The following MGAM variants were observed in gnomAD, a reference collection of about 807,000 sequenced individuals.
MGAM encodes maltase-glucoamylase.
Under a neutral mutation model 358.8 loss-of-function variants are expected in MGAM, and 253 were observed. The ratio of observed to expected loss-of-function variants is 0.71; its 90% CI spans 0.64 to 0.78. The LOEUF (loss-of-function observed/expected upper bound fraction) is 0.78, where lower values mean the gene tolerates loss of function less well. Ranked by LOEUF, MGAM falls within the 30% of genes least tolerant of loss-of-function variation. The pLI, the probability that MGAM is intolerant of heterozygous loss-of-function variation, is 0.00. For synonymous variants in MGAM, 1,105 were observed against 1,227.1 expected (o/e 0.90, Z 2.08); for missense variants, 3,080 against 3,432.6 (o/e 0.90, Z 2.57).
Position 142,027,195 on chromosome 7 carries a change from A to G in MGAM, c.1063A>G (p.Thr355Ala), listed in dbSNP as rs1181164759. Residue 355 changes from threonine to alanine, a missense_variant, in exon 9 of 71, where the codon ACT becomes GCT. Transcript: ENST00000475668. ...CGACTTCTATGTGTTCTTGGGAAAC[A>G]CTCCAGAGCAAGTTGTTCAAGAATA... Reference protein sequence around the residue: ...ILDFYVFLGNTPEQVVQEYLE... With the variant: ...ILDFYVFLGNAPEQVVQEYLE... 6.2e-6 allele frequency: 10 copies of G among 1,613,268 alleles called. No individual in the cohort carries two copies. Among genetic ancestry groups the G allele is most frequent in the African/African-American group, 1.3e-5 (1 of 74,892 alleles).
intron 50 of MGAM, among the ~76,000 whole-genome samples, chr7:142,081,688 T>A (rs898398743): frequency 2.1e-5 from 3 of 145,268 alleles, no homozygotes; most frequent in Admixed American, 6.9e-5. Context: ...TGAGGTGAGA[T>A]CCTCGTAGGA....
Position 142,100,804 on chromosome 7 carries a change from G to A in MGAM, c.7877G>A (p.Arg2626His), listed in dbSNP as rs200582702. 20 of 1,609,870 alleles carry A rather than the reference G, an allele frequency of 1.2e-5. No individual in the cohort carries two copies. The highest frequency in any genetic ancestry group is 4.5e-5 in the East Asian group (2 of 44,818). ...GCCTCTCTGCCTGCTCACTGCAGCC[G>A]CCAGAAATTCATGGGCTTCAAAATT... The part of the protein sequence containing the change: ...QEPALNTHLS[R>H]QKFMGFKIAL... Residue 2626 changes from arginine to histidine, a missense_variant and splice_region_variant, in exon 68 of 71, where the codon CGC becomes CAC. By Grantham distance (29) the Arg-to-His change is conservative (BLOSUM62 0). Transcript: ENST00000475668.
intron 34 of MGAM, 31 bp downstream of exon 34, chr7:142,060,404 T>G (rs1438433524): frequency 6.2e-7 from 1 of 1,609,672 alleles, no homozygotes; most frequent in Non-Finnish European, 8.5e-7. Context: ...TTGGGTGGAG[T>G]CAGGGTTTGT....
At chr7:142,034,209 A>G (rs1584953116) in intron 14 of MGAM, 53 bp from the exon 15 acceptor site, 1 of 1,325,450 alleles carries the variant, frequency 7.5e-7, no homozygotes, top group East Asian at 2.5e-5. Context: ...ATAGTCAAGG[A>G]GCAGAAAATG....
chr7:142,087,099 T>A (rs56222186), intron 57 of MGAM, among the ~76,000 whole-genome samples: 1 of 136,672 alleles, frequency 7.3e-6, no homozygotes, highest in Non-Finnish European at 1.7e-5. Context: ...GTTGTTGCCT[T>A]GGTTATCCCT....
chr7:142,051,663 C>G (rs1466611527), intron 24 of MGAM, among the ~76,000 whole-genome samples: 4 of 151,874 alleles, frequency 2.6e-5, no homozygotes, highest in Non-Finnish European at 4.4e-5. Context: ...TTCAACTTTT[C>G]AAATTTGCCG....
At chr7:142,069,958 C>A (rs1053270681) in intron 43 of MGAM, among the ~76,000 whole-genome samples, 3 of 145,530 alleles carry the variant, frequency 2.1e-5, no homozygotes, top group Admixed American at 6.9e-5. Flanking sequence ...CTTTGGGAGG[C>A]CGAGATGGAC....
rs1810869265 is a variant in MGAM, at chr7:142,050,754, T to A, written c.2695T>A (p.Phe899Ile). ...STYKDPNNLA[F>I]NEIKILGTEE... is the part of the protein sequence containing the mutation. ...CTACAAGGACCCCAATAATTTAGCA[T>A]TTAATGAGATTAAAATTCTTGGGAC... Residue 899 changes from phenylalanine to isoleucine, a missense_variant, in exon 24 of 71, where the codon TTT becomes ATT. By Grantham distance (21) the Phe-to-Ile change is conservative. Around this residue, in one of 5 missense-constraint regions of MGAM, gnomAD observed 1,816 missense variants for 1,840.5 expected, o/e 0.99. Transcript: ENST00000475668. 1 of 1,613,672 alleles carries A rather than the reference T, an allele frequency of 6.2e-7. No individual in the cohort carries two copies. Among genetic ancestry groups the A allele is most frequent in the African/African-American group, 1.3e-5 (1 of 74,932 alleles).
chr7:141,994,222 A>G (rs1554447921), upstream of MGAM, among the ~76,000 whole-genome samples: 1 of 152,172 alleles, frequency 6.6e-6, no homozygotes, highest in Admixed American at 6.5e-5. Flanking sequence ...TCAGCTCCAT[A>G]AGTTCTTCTT....
rs782081782 is a variant in MGAM at position 142,027,737 on chromosome 7, T to C, written c.1221+2T>C. 1 of 1,594,512 alleles carries C rather than the reference T, an allele frequency of 6.3e-7. No individual in the cohort carries two copies. The highest frequency in any genetic ancestry group is 8.5e-7 in the Non-Finnish European group (1 of 1,170,460). On this transcript the variant is annotated splice_donor_variant, in intron 10 of 70. Coordinates refer to ENST00000475668, the MANE Select transcript of MGAM (RefSeq NM_001365693.1). LOFTEE classifies it high-confidence loss of function. ...AATCGCGCAGCACAGCTCCCTTATG[T>C]AAGCAAGGTTTTCAACAGTTCTCCA...
intron 4 of MGAM, among the ~76,000 whole-genome samples, chr7:142,020,506 C>T (rs1350110674): frequency 2.7e-5 from 4 of 150,770 alleles, no homozygotes; most frequent in African/African-American, 4.9e-5. Flanking sequence ...ATAGTATGTG[C>T]GTATGATGGG....
chr7:142,067,799 A>ATG lies in MGAM; in HGVS notation c.5004+380_5004+381dup, dbSNP rs527700972. On this transcript the variant is annotated intron_variant, in intron 42 of 70. Transcript: ENST00000475668. Reference sequence around the variant, plus strand: ...AACTTTTCAGAAGGATGACTTGGCAATGTGTGTACTTGTATTGCTGCTGGC... The same window carrying ATG: ...AACTTTTCAGAAGGATGACTTGGCAATGTGTGTGTACTTGTATTGCTGCTGGC... 2.7e-3 allele frequency among the ~76,000 whole-genome samples: 361 copies of ATG among 134,332 alleles called. 14 individuals are homozygous for ATG. Among genetic ancestry groups the ATG allele is most frequent in the African/African-American group, 8.8e-3 (352 of 39,942 alleles). 88.1% of individuals were successfully genotyped at this position (134,332 alleles called of 152,430 possible). A position where few individuals can be genotyped will look rare whatever the true frequency, so the allele number is the denominator to read the frequency against.
In MGAM at chr7:142,059,806, C is replaced by T. The variant is rs755526910; in HGVS notation, c.3949-50C>T. The T allele has an allele frequency of 4.4e-6, 7 of 1,581,408 alleles. No individual in the cohort carries two copies. In the South Asian group the frequency reaches 6.9e-5, roughly 15 times the overall value. On this transcript the variant is annotated intron_variant, in intron 32 of 70. Coordinates refer to ENST00000475668, the MANE Select transcript of MGAM (RefSeq NM_001365693.1). ...AGGAGTTCTCCTTCATTCTGTTTCT[C>T]CTCATTCTCTGGCTTTGGTTTTCCC...
intron 22 of MGAM, among the ~76,000 whole-genome samples, chr7:142,048,713 CA>C: frequency 6.6e-6 from 1 of 152,158 alleles, no homozygotes; most frequent in African/African-American, 2.4e-5. Flanking sequence ...GGAAACTTTG[CA>C]ATGTTCCAGT....
chr7:142,007,940 G>T (rs1379539179), intron 2 of MGAM, among the ~76,000 whole-genome samples: 3 of 152,140 alleles, frequency 2.0e-5, no homozygotes, highest in Non-Finnish European at 4.4e-5. Context: ...TGCCCTTGCT[G>T]CTGGGGTTGG....
chr7:142,076,829 A>G lies in MGAM; in HGVS notation c.5493+3A>G, dbSNP rs1813787157. On this transcript the variant is annotated splice_donor_region_variant and intron_variant, in intron 47 of 70. Coordinates refer to ENST00000475668, the MANE Select transcript of MGAM (RefSeq NM_001365693.1). ...TCACTTATGATTCTAACCTGAAGGT[A>G]AAAACCCATTTTGTTGAGATGGTAC... 6.4e-7 allele frequency: 1 copy of G among 1,551,766 alleles called. No individual in the cohort carries two copies. The highest frequency in any genetic ancestry group is 1.7e-5 in the Admixed American group (1 of 58,118).
Position 142,097,600 on chromosome 7 carries a change from G to A in MGAM, c.7700G>A (p.Arg2567Lys). 2 of 1,613,054 alleles carry A rather than the reference G, an allele frequency of 1.2e-6. No individual in the cohort carries two copies. Among genetic ancestry groups the A allele is most frequent in the Non-Finnish European group, 1.7e-6 (2 of 1,179,084 alleles). Residue 2567 changes from arginine to lysine, a missense_variant, in exon 66 of 71, where the codon AGA becomes AAA. By Grantham distance (26) the Arg-to-Lys change is conservative (BLOSUM62 2). Coordinates refer to ENST00000475668, the MANE Select transcript of MGAM (RefSeq NM_001365693.1). The stretch of plus-strand genomic sequence containing the variant: ...GTTTATGTTTCATTTTAGAATGCCA[G>A]AAATGTCACTGCATATTTCCCTAGA... ...LVSPVLERNARNVTAYFPRAR... is the reference protein window; with the variant it reads ...LVSPVLERNAKNVTAYFPRAR...
chr7:142,097,346 ATT>A (rs11298938), intron 65 of MGAM, among the ~76,000 whole-genome samples: 18 of 151,294 alleles, frequency 1.2e-4, no homozygotes, highest in South Asian at 2.1e-4. Context: ...CAAATAGTGA[ATT>A]TTTTTTTTTC....
intron 60 of MGAM, 27 bp from the exon 61 acceptor site, chr7:142,094,337 G>T: frequency 6.7e-7 from 1 of 1,501,618 alleles, no homozygotes. Context: ...GGTGCCCTCA[G>T]TTCACCTCCT....
Sources: gnomAD v4.1 joint callset for allele counts (sites outside exome capture counted in the v4.1 genomes callset) on GRCh38, gnomAD v4.1.1 for gene constraint, gnomAD v4.1.1 regional missense constraint, MANE v1.5 for transcripts, NCBI Gene and HGNC (gene_info 2026-07-23, HGNC 2026-07-21) for gene names.